FBXL13: variants seen among roughly 807,000 people sequenced by gnomAD.
The protein encoded by FBXL13 is F-box and leucine rich repeat protein 13, also known as F-box and leucine-rich repeat protein 13.
FBXL13 carries 67 observed loss-of-function variants against 83.6 expected under a neutral mutation model. That is an observed-to-expected ratio of 0.80 (90% CI 0.66 to 0.98). The LOEUF (loss-of-function observed/expected upper bound fraction) is 0.98. FBXL13 is among the 50% of genes least tolerant of loss of function. The pLI, the probability that FBXL13 is intolerant of heterozygous loss-of-function variation, is 0.00. For synonymous variants in FBXL13, 272 were observed against 299.5 expected, an observed-to-expected ratio of 0.91 and a Z score of 0.95; for missense variants, 822 against 866.5, an observed-to-expected ratio of 0.95 and a Z score of 0.64.
At chr7:102,915,120 A>AT (rs1160559115) in intron 10 of FBXL13, among the ~76,000 whole-genome samples, 3 of 139,556 alleles carry the variant, frequency 2.1e-5, no homozygotes, top group East Asian at 2.2e-4. Flanking sequence ...GGAGATTAAA[A>AT]TATTTTTTTT....
intron 2 of FBXL13, among the ~76,000 whole-genome samples, chr7:103,035,947 C>T (rs1795023307): frequency 6.6e-6 from 1 of 152,190 alleles, no homozygotes. Context: ...AGGCCACAGA[C>T]TGGTACAGGT....
intron 11 of FBXL13, among the ~76,000 whole-genome samples, chr7:102,902,954 T>C (rs1383695500): frequency 6.6e-6 from 1 of 152,094 alleles, no homozygotes; most frequent in Non-Finnish European, 1.5e-5. Flanking sequence ...TTTCTATTTC[T>C]GTGAAGAATG....
At chr7:102,860,573 G>A (rs1357521246) in intron 16 of FBXL13, among the ~76,000 whole-genome samples, 2 of 152,036 alleles carry the variant, frequency 1.3e-5, no homozygotes, top group African/African-American at 4.8e-5. Flanking sequence ...TTTGAGAGCA[G>A]ACAAATCCTT....
At chr7:102,839,364 C>T (rs1463766360) in intron 17 of FBXL13, among the ~76,000 whole-genome samples, 1 of 152,218 alleles carries the variant, frequency 6.6e-6, no homozygotes, top group Non-Finnish European at 1.5e-5. Context: ...GGTGCTGGTG[C>T]AGGTCCTTGG....
chr7:102,987,090 G>C (rs966845646), intron 6 of FBXL13, among the ~76,000 whole-genome samples: 1 of 152,174 alleles, frequency 6.6e-6, no homozygotes, highest in South Asian at 2.1e-4. Flanking sequence ...CTTGTAAGTG[G>C]GAGCTAAGCT....
chr7:103,048,514 T>C (rs1435171487), intron 2 of FBXL13, among the ~76,000 whole-genome samples: 2 of 152,096 alleles, frequency 1.3e-5, no homozygotes, highest in Non-Finnish European at 2.9e-5. Context: ...CACCCTTGCA[T>C]TAGTGGACTA....
At chr7:102,949,879 G>A (rs1823141565) in intron 8 of FBXL13, among the ~76,000 whole-genome samples, 1 of 152,198 alleles carries the variant, frequency 6.6e-6, no homozygotes, top group African/African-American at 2.4e-5. Context: ...GCTGAGGCAG[G>A]CAGATCACTT....
At chr7:102,896,634 G>C (rs909647017) in intron 11 of FBXL13, among the ~76,000 whole-genome samples, 1 of 152,156 alleles carries the variant, frequency 6.6e-6, no homozygotes, top group African/African-American at 2.4e-5. Flanking sequence ...TGTGAGGAAG[G>C]ATTTGTCCCA....
At chr7:102,952,053 C>A (rs1034546911) in intron 8 of FBXL13, among the ~76,000 whole-genome samples, 2 of 151,990 alleles carry the variant, frequency 1.3e-5, no homozygotes, top group East Asian at 1.9e-4. Context: ...AATAAGTAAA[C>A]CCTGACGACA....
At chr7:102,960,967 G>C (rs1825094187) in intron 8 of FBXL13, among the ~76,000 whole-genome samples, 3 of 151,780 alleles carry the variant, frequency 2.0e-5, no homozygotes. Context: ...TCAACGTAGT[G>C]TTGGAAGTTC....
intron 6 of FBXL13, among the ~76,000 whole-genome samples, chr7:102,992,839 C>T (rs186419928): frequency 1.4e-4 from 21 of 152,220 alleles, no homozygotes; most frequent in Admixed American, 5.2e-4. Context: ...ACTTCTGGAC[C>T]CCAGCGATCC....
intron 6 of FBXL13, among the ~76,000 whole-genome samples, chr7:103,014,267 A>C (rs1791986210): frequency 6.6e-6 from 1 of 152,198 alleles, no homozygotes; most frequent in South Asian, 2.1e-4. Context: ...AGGTGGGAGG[A>C]TTGCTTGAGT....
At chr7:102,933,992 A>C (rs780894836) in intron 8 of FBXL13, 48 of 1,614,060 alleles carry the variant, frequency 3.0e-5, no homozygotes, top group Non-Finnish European at 4.0e-5. Context: ...AGGCAGTGTG[A>C]GAAGCCGAGT....
At chr7:103,032,461 T>C (rs1471142901) in intron 2 of FBXL13, among the ~76,000 whole-genome samples, 1 of 152,162 alleles carries the variant, frequency 6.6e-6, no homozygotes, top group African/African-American at 2.4e-5. Flanking sequence ...TTAATAGTAA[T>C]TGCTTAATAT....
chr7:102,963,771 T>C, intron 7 of FBXL13, 106 bp from the exon 9 acceptor site: 2 of 1,093,922 alleles, frequency 1.8e-6, no homozygotes, highest in East Asian at 2.6e-5. Flanking sequence ...AAAGAGCTTC[T>C]GTACAGCAAA....
chr7:102,893,984 GGAAA>G (rs747289926), intron 11 of FBXL13, among the ~76,000 whole-genome samples: 5 of 96,786 alleles, frequency 5.2e-5, no homozygotes, highest in Non-Finnish European at 6.1e-5. Context: ...GAAAGAAAGA[GGAAA>G]GAAAGAAAGA....
At chr7:103,007,091 C>G (rs1791069866) in intron 6 of FBXL13, among the ~76,000 whole-genome samples, 1 of 151,936 alleles carries the variant, frequency 6.6e-6, no homozygotes, top group South Asian at 2.1e-4. Flanking sequence ...ACTCAATGAC[C>G]TATGGGACAA....
At chr7:103,028,621 C>A in exon 4 of FBXL13, 1 of 1,576,722 alleles carries the variant, frequency 6.3e-7, no homozygotes, top group Admixed American at 1.9e-5. Context: ...TCTTTCTGGT[C>A]TTCCATATAA....
At chr7:102,979,873 T>C (rs1383427934) in intron 6 of FBXL13, among the ~76,000 whole-genome samples, 1 of 152,154 alleles carries the variant, frequency 6.6e-6, no homozygotes, top group East Asian at 1.9e-4. Flanking sequence ...ACATCCCATG[T>C]TCATGGATTG....
Sources: gnomAD v4.1 joint callset for allele counts (sites outside exome capture counted in the v4.1 genomes callset) on GRCh38, gnomAD v4.1.1 for gene constraint, MANE v1.5 for transcripts, NCBI Gene and HGNC (gene_info 2026-07-23, HGNC 2026-07-21) for gene names.